The following COP1 variants were observed in gnomAD, a reference collection of about 807,000 sequenced individuals.
The protein encoded by COP1 is COP1 E3 ubiquitin ligase.
COP1 carries 24 observed loss-of-function variants against 101.3 expected under a neutral mutation model. That is an observed-to-expected ratio of 0.24 (90% CI 0.17 to 0.33). The LOEUF (loss-of-function observed/expected upper bound fraction) is 0.33. COP1 is among the 10% of genes least tolerant of loss of function. The pLI is 1.00. For missense variants in COP1, 663 were observed against 906.2 expected (o/e 0.73, Z 3.45); for synonymous variants, 347 against 341.9 (o/e 1.01, Z -0.17).
In COP1 at chr1:176,206,799, G is replaced by A. The variant is rs1018034408; in HGVS notation, c.180C>T (p.Gly60=). 7.2e-6 allele frequency: 10 copies of A among 1,383,516 alleles called. No individual in the cohort carries two copies. The African/African-American group carries it at 1.4e-4, about 19-fold the overall frequency. 85.7% of individuals were successfully genotyped at this position (1,383,516 alleles called of 1,614,324 possible). A position where few individuals can be genotyped will look rare whatever the true frequency, so the allele number is the denominator to read the frequency against. The change falls in exon 1 of 20, where the codon GGC becomes GGT. Residue 60 remains glycine, a synonymous_variant. Coordinates refer to ENST00000367669, the MANE Select transcript of COP1 (RefSeq NM_022457.7). ...GGVAQAAGSG[G]LGGPVRPVLV... is the part of the protein sequence containing the mutation. The stretch of plus-strand genomic sequence containing the variant: ...ACACAGGCCGCACCGGGCCCCCGAG[G>A]CCGCCCGAGCCGGCGGCCTGGGCCA...
At chr1:176,000,453 C>A (rs1032285114) in intron 15 of COP1, among the ~76,000 whole-genome samples, 1 of 151,976 alleles carries the variant, frequency 6.6e-6, no homozygotes, top group East Asian at 1.9e-4. Context: ...GAATTGTTTA[C>A]ACTAGTATCA....
chr1:176,133,444 C>T (rs1337511107), intron 8 of COP1, among the ~76,000 whole-genome samples: 1 of 151,620 alleles, frequency 6.6e-6, no homozygotes. Context: ...TGCAGTCCAT[C>T]ACTGACTGAA....
At chr1:176,009,888 G>GA (rs1491471060) in intron 15 of COP1, among the ~76,000 whole-genome samples, 1 of 121,242 alleles carries the variant, frequency 8.2e-6, no homozygotes, top group Non-Finnish European at 1.8e-5. Flanking sequence ...GGGGGGGGGG[G>GA]GTCCGCAATA....
intron 15 of COP1, among the ~76,000 whole-genome samples, chr1:176,012,447 G>A (rs1277938409): frequency 2.6e-5 from 4 of 152,104 alleles, no homozygotes; most frequent in Non-Finnish European, 4.4e-5. Flanking sequence ...TATTACAAAA[G>A]AGTCAAAAAG....
At chr1:175,959,122 T>C (rs983912447) in intron 18 of COP1, among the ~76,000 whole-genome samples, 2 of 151,872 alleles carry the variant, frequency 1.3e-5, no homozygotes, top group Non-Finnish European at 2.9e-5. Flanking sequence ...CTTGACCAAG[T>C]TGGGCTTATT....
intron 11 of COP1, among the ~76,000 whole-genome samples, chr1:176,060,447 T>C (rs1674639336): frequency 6.6e-6 from 1 of 152,230 alleles, no homozygotes; most frequent in Admixed American, 6.5e-5. Flanking sequence ...CTACGACATT[T>C]TGTCCTCTTT....
chr1:176,183,855 A>G (rs1428580876), intron 2 of COP1, among the ~76,000 whole-genome samples: 1 of 152,158 alleles, frequency 6.6e-6, no homozygotes, highest in African/African-American at 2.4e-5. Context: ...AAAGACAAAT[A>G]CTTCTACTTA....
intron 15 of COP1, among the ~76,000 whole-genome samples, chr1:176,007,154 C>A (rs1663472409): frequency 6.6e-6 from 1 of 152,194 alleles, no homozygotes; most frequent in Non-Finnish European, 1.5e-5. Context: ...GAGGCTTCTG[C>A]ATTCTTCACG....
chr1:176,091,333 G>A (rs531593065), intron 9 of COP1, among the ~76,000 whole-genome samples: 44 of 139,844 alleles, frequency 3.1e-4, no homozygotes, highest in Middle Eastern at 3.7e-3. Context: ...GCAACAGAGC[G>A]AGACTCCGTC....
chr1:176,128,021 T>C (rs568670959), intron 8 of COP1, among the ~76,000 whole-genome samples: 129 of 129,896 alleles, frequency 9.9e-4, no homozygotes, highest in African/African-American at 3.3e-3. Context: ...TCTTCTTTTC[T>C]ATGTCTTCTT....
intron 15 of COP1, among the ~76,000 whole-genome samples, chr1:175,997,487 A>G (rs1226297972): frequency 2.0e-5 from 3 of 152,196 alleles, no homozygotes; most frequent in Non-Finnish European, 2.9e-5. Flanking sequence ...GAAAATTTTC[A>G]CAACCTACTC....
At chr1:176,186,182 G>C (rs1172239651) in intron 1 of COP1, among the ~76,000 whole-genome samples, 1 of 152,014 alleles carries the variant, frequency 6.6e-6, no homozygotes, top group African/African-American at 2.4e-5. Flanking sequence ...CTATTTAATA[G>C]AAAACAATAC....
chr1:176,027,875 G>C (rs979255159), intron 14 of COP1, among the ~76,000 whole-genome samples, 187 bp from the exon 15 acceptor site: 1 of 143,692 alleles, frequency 7.0e-6, no homozygotes, highest in Admixed American at 7.4e-5. Flanking sequence ...CTAATAAAAA[G>C]ATACCTGAAA....
intron 6 of COP1, among the ~76,000 whole-genome samples, chr1:176,139,925 C>T (rs1234697447): frequency 6.6e-6 from 1 of 151,954 alleles, no homozygotes; most frequent in African/African-American, 2.4e-5. Context: ...GTAAGAAACC[C>T]GTACATGTAC....
At chr1:176,057,816 C>T (rs993508672) in intron 11 of COP1, among the ~76,000 whole-genome samples, 3 of 151,930 alleles carry the variant, frequency 2.0e-5, no homozygotes, top group Non-Finnish European at 4.4e-5. Context: ...ATGTGAGGAG[C>T]CCCTCTGCCT....
At chr1:176,159,664 AAAAGT>A (rs1427537492) in intron 5 of COP1, among the ~76,000 whole-genome samples, 1 of 152,232 alleles carries the variant, frequency 6.6e-6, no homozygotes, top group African/African-American at 2.4e-5. Flanking sequence ...ATGAACCTCA[AAAAGT>A]AAACAAATAG....
chr1:176,116,704 T>G lies in COP1; in HGVS notation c.969-23A>C, dbSNP rs762932657. 8 of 1,544,456 alleles carry G rather than the reference T, an allele frequency of 5.2e-6. No homozygotes were observed. In the Admixed American group the frequency reaches 1.4e-4, roughly 26 times the overall value. On this transcript the variant is annotated intron_variant, in intron 8 of 19. Transcript: ENST00000367669. ...CTACTGCAAAATGAAGAGAAAAAAA[T>G]GTGATTTCAGTATTTACATTATTTT...
chr1:176,128,744 C>T (rs1688440731), intron 8 of COP1, among the ~76,000 whole-genome samples: 1 of 151,698 alleles, frequency 6.6e-6, no homozygotes, highest in Non-Finnish European at 1.5e-5. Flanking sequence ...AGCATTAGTT[C>T]AATTTGATTA....
At chr1:176,194,474 C>T (rs1250791549) in intron 1 of COP1, among the ~76,000 whole-genome samples, 2 of 151,946 alleles carry the variant, frequency 1.3e-5, no homozygotes, top group African/African-American at 2.4e-5. Flanking sequence ...CCCATCTCTA[C>T]GAAAAATACA....
Sources: gnomAD v4.1 joint callset for allele counts (sites outside exome capture counted in the v4.1 genomes callset) on GRCh38, gnomAD v4.1.1 for gene constraint, MANE v1.5 for transcripts, NCBI Gene and HGNC (gene_info 2026-07-23, HGNC 2026-07-21) for gene names.